The following KCNMB3 variants were observed in gnomAD, a reference collection of about 807,000 sequenced individuals.
KCNMB3 encodes calcium-activated potassium channel subunit beta-3.
Under a neutral mutation model 11.9 loss-of-function variants are expected in KCNMB3, and 18 were observed. That is an observed-to-expected ratio of 1.51 (90% CI 1.04 to 2.23). The LOEUF (loss-of-function observed/expected upper bound fraction) is 2.23. Ranked by LOEUF, KCNMB3 falls within the 30% of genes most tolerant of loss-of-function variation. KCNMB3 has a pLI of 0.00. For missense variants in KCNMB3, 247 were observed against 329.4 expected, an observed-to-expected ratio of 0.75 and a Z score of 1.94; for synonymous variants, 78 against 119.2, an observed-to-expected ratio of 0.65 and a Z score of 2.25.
At chr3:179,261,995 C>G (rs907216242) in intron 1 of KCNMB3, among the ~76,000 whole-genome samples, 1 of 152,128 alleles carries the variant, frequency 6.6e-6, no homozygotes, top group Non-Finnish European at 1.5e-5. Context: ...AGTGTTTTAA[C>G]ACTGATTAAA....
At chr3:179,263,800 C>CTTTTTTTTTTTTTTTTT (rs60270913) in intron 1 of KCNMB3, among the ~76,000 whole-genome samples, 1 of 59,978 alleles carries the variant, frequency 1.7e-5, no homozygotes, top group African/African-American at 7.0e-5. Context: ...TTTTTCTTTT[C>CTTTTTTTTTTTTTTTTT]TTTTTTTTTT....
chr3:179,265,770 G>A (rs1202002227), intron 1 of KCNMB3, among the ~76,000 whole-genome samples: 2 of 152,160 alleles, frequency 1.3e-5, no homozygotes, highest in African/African-American at 2.4e-5. Context: ...AAAGGTTTTA[G>A]TATCCCATTT....
chr3:179,252,896 T>A (rs1725894229), upstream of KCNMB3, among the ~76,000 whole-genome samples: 1 of 151,918 alleles, frequency 6.6e-6, no homozygotes, highest in South Asian at 2.1e-4. Context: ...CACGCCCGGC[T>A]AATTTTTGTA....
At chr3:179,260,116 A>C (rs1420995018) in intron 1 of KCNMB3, 13 of 1,605,684 alleles carry the variant, frequency 8.1e-6, no homozygotes, top group Non-Finnish European at 1.1e-5. Flanking sequence ...CTATGCCCTA[A>C]AGGACATGAG....
chr3:179,260,021 T>C, intron 1 of KCNMB3: 2 of 1,612,634 alleles, frequency 1.2e-6, no homozygotes, highest in Non-Finnish European at 1.7e-6. Context: ...TGGTGAATTC[T>C]TTCTCTAAAC....
At chr3:179,260,706 CCT>C (rs1167866790) in intron 1 of KCNMB3, 14 of 1,412,884 alleles carry the variant, frequency 9.9e-6, no homozygotes, top group South Asian at 2.3e-5. Flanking sequence ...TCGAGCATTT[CCT>C]CTGTTTGCTT....
At chr3:179,261,261 C>T (rs1471646469) in intron 1 of KCNMB3, 2 of 1,308,826 alleles carry the variant, frequency 1.5e-6, no homozygotes, top group Non-Finnish European at 2.0e-6. Context: ...TGCGTGGCCG[C>T]GGGGCTGGTC....
chr3:179,262,017 C>T (rs958815125), intron 1 of KCNMB3, among the ~76,000 whole-genome samples: 2 of 152,196 alleles, frequency 1.3e-5, no homozygotes, highest in African/African-American at 4.8e-5. Context: ...GCTCAATTCA[C>T]ACGGAAAATG....
exon 1 of KCNMB3, chr3:179,266,838 G>A: frequency 1.4e-6 from 2 of 1,446,168 alleles, no homozygotes; most frequent in Non-Finnish European, 1.8e-6. Flanking sequence ...CAGCGCAGCT[G>A]CAGCCATTAG....
At chr3:179,248,515 C>T (rs1395836464) in intron 1 of KCNMB3, among the ~76,000 whole-genome samples, 2 of 152,030 alleles carry the variant, frequency 1.3e-5, no homozygotes, top group African/African-American at 4.8e-5. Flanking sequence ...ATGACTTGAG[C>T]TTAGGAGTTC....
upstream of KCNMB3, chr3:179,251,358 C>A: frequency 9.0e-6 from 13 of 1,438,230 alleles, no homozygotes; most frequent in Non-Finnish European, 1.2e-5. Flanking sequence ...GAATTAACAG[C>A]GTCCTGAACA....
At chr3:179,246,347 A>G (rs571857744) in intron 1 of KCNMB3, among the ~76,000 whole-genome samples, 1 of 152,186 alleles carries the variant, frequency 6.6e-6, no homozygotes, top group African/African-American at 2.4e-5. Context: ...GGGAGGCAGA[A>G]GTTGCAGTGA....
intron 1 of KCNMB3, chr3:179,260,644 G>A (rs925021067): frequency 1.8e-5 from 24 of 1,330,954 alleles, no homozygotes; most frequent in Middle Eastern, 1.8e-4. Context: ...TGAGAGTGTC[G>A]GAAGTCTCTC....
intron 1 of KCNMB3, chr3:179,259,820 T>C (rs1281595425): frequency 1.0e-5 from 16 of 1,604,596 alleles, no homozygotes; most frequent in Middle Eastern, 1.7e-4. Flanking sequence ...AGGGTTCACT[T>C]TGAGTGTCTA....
At chr3:179,251,274 G>A (rs536058371), upstream of KCNMB3, 27 of 1,452,002 alleles carry the variant, frequency 1.9e-5, no homozygotes, top group South Asian at 4.4e-5. Flanking sequence ...GATATTGCAC[G>A]TCCCTCCTGA....
intron 1 of KCNMB3, among the ~76,000 whole-genome samples, chr3:179,266,143 C>T (rs1726364555): frequency 6.6e-6 from 1 of 152,152 alleles, no homozygotes; most frequent in Non-Finnish European, 1.5e-5. Context: ...AGTTAAGTGA[C>T]TTGCCCAGTC....
intron 1 of KCNMB3, among the ~76,000 whole-genome samples, chr3:179,263,126 G>A (rs184499112): frequency 4.6e-5 from 7 of 152,334 alleles, no homozygotes; most frequent in Non-Finnish European, 7.3e-5. Context: ...AGGGAGGCTC[G>A]GGCGGCACAG....
At chr3:179,260,898 C>G (rs892372611) in intron 1 of KCNMB3, 21 of 1,152,704 alleles carry the variant, frequency 1.8e-5, no homozygotes, top group Non-Finnish European at 2.7e-5. Flanking sequence ...TTTTCATTGT[C>G]TAACTGAGCA....
At chr3:179,260,619 G>T in intron 1 of KCNMB3, 2 of 1,385,134 alleles carry the variant, frequency 1.4e-6, no homozygotes, top group Non-Finnish European at 1.0e-6. Context: ...GTAGGATCTT[G>T]GTATCAAACA....
Sources: gnomAD v4.1 joint callset for allele counts (sites outside exome capture counted in the v4.1 genomes callset) on GRCh38, gnomAD v4.1.1 for gene constraint, MANE v1.5 for transcripts, NCBI Gene and HGNC (gene_info 2026-07-23, HGNC 2026-07-21) for gene names.